YKT6: variants seen among roughly 807,000 people sequenced by gnomAD.
YKT6 encodes synaptobrevin homolog YKT6.
In YKT6, 12 loss-of-function variants were observed where a neutral mutation model predicts 29.3. The ratio of observed to expected loss-of-function variants is 0.41; its 90% CI spans 0.26 to 0.66. The LOEUF (loss-of-function observed/expected upper bound fraction) is 0.66, where lower values mean the gene tolerates loss of function less well. Ranked by LOEUF, YKT6 falls within the 30% of genes least tolerant of loss-of-function variation. The pLI is 0.32. For missense variants in YKT6, 188 were observed against 243.8 expected, an observed-to-expected ratio of 0.77 and a Z score of 1.52; for synonymous variants, 86 against 94.3, an observed-to-expected ratio of 0.91 and a Z score of 0.51.
intron 1 of YKT6, among the ~76,000 whole-genome samples, chr7:44,203,223 A>G (rs562543943): frequency 6.6e-6 from 1 of 152,222 alleles, no homozygotes; most frequent in East Asian, 1.9e-4. Flanking sequence ...CCTCCCAAGT[A>G]GCTGGGATTA....
intron 2 of YKT6, among the ~76,000 whole-genome samples, 195 bp downstream of exon 2, chr7:44,204,845 G>A (rs2096339234): frequency 6.6e-6 from 1 of 152,128 alleles, no homozygotes. Context: ...AGATAAAATT[G>A]CCCTCAAACT....
chr7:44,212,126 C>T, intron 6 of YKT6, 121 bp from the exon 7 acceptor site: 1 of 1,193,454 alleles, frequency 8.4e-7, no homozygotes, highest in Non-Finnish European at 1.2e-6. Flanking sequence ...CCACCCTGTT[C>T]TAGTGCTAGT....
chr7:44,209,808 G>C (rs1177807775), intron 5 of YKT6, among the ~76,000 whole-genome samples: 3 of 152,162 alleles, frequency 2.0e-5, no homozygotes, highest in Non-Finnish European at 2.9e-5. Flanking sequence ...TCCATCTCTA[G>C]ACCCCTTCCC....
At position 44,211,176 on chromosome 7, in the gene YKT6, G is replaced by A. The variant is rs191395293; in HGVS notation, c.561+52G>A. ...TGGGTGTTCTCTCTAGAGAGCAGTCGCAGCTTGCTGCTTCTGGCACTCTCC... is the reference window on the plus strand; with the variant it reads ...TGGGTGTTCTCTCTAGAGAGCAGTCACAGCTTGCTGCTTCTGGCACTCTCC... On this transcript the variant is annotated intron_variant, in intron 6 of 6. Coordinates refer to ENST00000223369, the MANE Select transcript of YKT6 (RefSeq NM_006555.4). The A allele has an allele frequency of 5.7e-4, 841 of 1,487,886 alleles. 3 individuals carry two copies. In the African/African-American group the frequency reaches 9.9e-3, roughly 18 times the overall value. 92.2% of individuals were successfully genotyped at this position (1,487,886 alleles called of 1,614,324 possible).
At chr7:44,208,538 G>A in intron 5 of YKT6, 1 of 312,064 alleles carries the variant, frequency 3.2e-6, no homozygotes, top group South Asian at 3.2e-5. Flanking sequence ...CTTTGTTAGG[G>A]TTTCGGGTGC....
At chr7:44,211,449 T>C in intron 6 of YKT6, 1 of 784,174 alleles carries the variant, frequency 1.3e-6, no homozygotes, top group Non-Finnish European at 1.6e-6. Context: ...AGAGATTTAC[T>C]GTTGAATCTT....
Position 44,204,146 on chromosome 7 carries a change from G to C in YKT6, c.105-422G>C, listed in dbSNP as rs144932745. Among the ~76,000 whole-genome samples, 18 of 152,334 alleles carry C rather than the reference G, an allele frequency of 1.2e-4. No individual in the cohort carries two copies. In the East Asian group the frequency reaches 3.3e-3, roughly 28 times the overall value. On this transcript the variant is annotated intron_variant, in intron 1 of 6. Coordinates refer to ENST00000223369, the MANE Select transcript of YKT6 (RefSeq NM_006555.4). ...TGTCATGTGGACACAGCCATAAATGGTTGTGCATTTCTGCCTGACAGTTTT... is the reference window on the plus strand; with the variant it reads ...TGTCATGTGGACACAGCCATAAATGCTTGTGCATTTCTGCCTGACAGTTTT...
intron 2 of YKT6, among the ~76,000 whole-genome samples, chr7:44,205,474 CCT>C (rs1261327570): frequency 6.6e-6 from 1 of 152,176 alleles, no homozygotes; most frequent in Non-Finnish European, 1.5e-5. Context: ...GTGACAACCC[CCT>C]GTCCTCTTCC....
At position 44,212,475 on chromosome 7, in the gene YKT6, T is replaced by G. The variant is rs1005900593; in HGVS notation, c.*193T>G. On this transcript the variant is annotated 3_prime_UTR_variant, in exon 7 of 7. Coordinates refer to ENST00000223369, the MANE Select transcript of YKT6 (RefSeq NM_006555.4). Reference sequence around the variant, plus strand: ...TTCAAATTCATATGTGTGGTAGTGATTCTTGGAAAGAATTTGAGGTCCCCA... The same window carrying G: ...TTCAAATTCATATGTGTGGTAGTGAGTCTTGGAAAGAATTTGAGGTCCCCA... The G allele has an allele frequency of 1.1e-5, 7 of 653,760 alleles. No individual in the cohort carries two copies. The highest frequency in any genetic ancestry group is 1.8e-5 in the African/African-American group (1 of 54,872). 40.5% of individuals were successfully genotyped at this position (653,760 alleles called of 1,614,324 possible).
At position 44,204,624 on chromosome 7, in the gene YKT6, G is replaced by A; in HGVS notation, c.161G>A (p.Gly54Asp). The change falls in exon 2 of 7, where the codon GGC becomes GAC. Residue 54 changes from glycine to aspartate, a missense_variant. Gly to Asp is a moderately conservative substitution (Grantham distance 94). Around this residue, in one of 3 missense-constraint regions of YKT6, gnomAD observed 71 missense variants for 67.3 expected, o/e 1.05. Coordinates refer to ENST00000223369, the MANE Select transcript of YKT6 (RefSeq NM_006555.4). ...SQLIVERSSK[G>D]TRASVKEQDY... ...CTGATTGTGGAGCGCTCATCGAAAG[G>A]CACTAGAGCTTCTGTCAAAGAACAA... 6.2e-7 allele frequency: 1 copy of A among 1,614,204 alleles called. No homozygotes were observed. The highest frequency in any genetic ancestry group is 8.5e-7 in the Non-Finnish European group (1 of 1,180,036).
chr7:44,209,339 G>A (rs575722979), intron 5 of YKT6, among the ~76,000 whole-genome samples: 70 of 152,288 alleles, frequency 4.6e-4, no homozygotes, highest in African/African-American at 1.6e-3. Flanking sequence ...TCCAAATAAC[G>A]TGGCTTTGGA....
chr7:44,213,900 T>C lies in YKT6; in HGVS notation c.*1618T>C, dbSNP rs922944878. 1.3e-5 allele frequency: 2 copies of C among 152,250 alleles called. No individual in the cohort carries two copies. The allele number at this position is 152,250 out of a possible 1,614,324, so 9.4% of individuals were successfully genotyped here. The stretch of plus-strand genomic sequence containing the variant: ...CATGTCATTTTCCTACTGCCATAGA[T>C]ACCCTAAGCCCAGGGCCCCTTGAGG... On this transcript the variant is annotated 3_prime_UTR_variant, in exon 7 of 7. Transcript: ENST00000223369.
At chr7:44,208,088 G>T (rs1363966085) in intron 4 of YKT6, 45 bp from the exon 5 acceptor site, 1 of 1,597,824 alleles carries the variant, frequency 6.3e-7, no homozygotes, top group Non-Finnish European at 8.6e-7. Context: ...TTGTTTGCAG[G>T]TAGCCACTCC....
In YKT6 at chr7:44,212,685, G is replaced by C. The variant is rs1179791989; in HGVS notation, c.*403G>C. 1.2e-5 allele frequency: 2 copies of C among 161,630 alleles called. No homozygotes were observed. The highest frequency in any genetic ancestry group is 4.8e-5 in the African/African-American group (2 of 41,726). 10.0% of individuals were successfully genotyped at this position (161,630 alleles called of 1,614,324 possible). ...AATGATATTAACACTCCAGTGGGGGGTGGGGAGTCCCTGATGCTAGGGCTG... is the reference window on the plus strand; with the variant it reads ...AATGATATTAACACTCCAGTGGGGGCTGGGGAGTCCCTGATGCTAGGGCTG... On this transcript the variant is annotated 3_prime_UTR_variant, in exon 7 of 7. Transcript: ENST00000223369.
chr7:44,208,419 G>A, intron 5 of YKT6: 1 of 500,938 alleles, frequency 2.0e-6, no homozygotes, highest in Non-Finnish European at 3.6e-6. Context: ...GACCAAGCTG[G>A]GAACCAGTGG....
chr7:44,210,959 T>G, intron 5 of YKT6, 64 bp from the exon 6 acceptor site: 1 of 1,558,742 alleles, frequency 6.4e-7, no homozygotes, highest in Non-Finnish European at 8.8e-7. Context: ...ATGACTGAAA[T>G]ATGAGGGGCT....
chr7:44,203,220 A>G (rs1200160428), intron 1 of YKT6, among the ~76,000 whole-genome samples: 1 of 152,034 alleles, frequency 6.6e-6, no homozygotes, highest in Non-Finnish European at 1.5e-5. Context: ...CAGCCTCCCA[A>G]GTAGCTGGGA....
chr7:44,207,140 G>T (rs141837273), intron 3 of YKT6, among the ~76,000 whole-genome samples: 139 of 152,318 alleles, frequency 9.1e-4, no homozygotes, highest in Non-Finnish European at 1.5e-3. Flanking sequence ...CCCAAGTGAG[G>T]TTCATCTCGG....
At chr7:44,201,558 C>T (rs992049245) in intron 1 of YKT6, among the ~76,000 whole-genome samples, 2 of 152,236 alleles carry the variant, frequency 1.3e-5, no homozygotes, top group African/African-American at 2.4e-5. Context: ...TAGTTCTCTA[C>T]TCAGTGTTTT....
Sources: allele counts gnomAD v4.1 joint callset (sites outside exome capture counted in the v4.1 genomes callset), GRCh38; gene constraint gnomAD v4.1.1; regional missense constraint gnomAD v4.1.1; transcripts MANE v1.5; gene names NCBI Gene and HGNC (gene_info 2026-07-23, HGNC 2026-07-21).